SLC35F4: variants seen among roughly 807,000 people sequenced by gnomAD.
SLC35F4 encodes the protein chromosome 14 open reading frame 36.
A neutral mutation model predicts 44.2 loss-of-function variants in SLC35F4; 24 were observed. That is an observed-to-expected ratio of 0.54 (90% CI 0.39 to 0.76). SLC35F4 has a LOEUF of 0.76. Ranked by LOEUF, SLC35F4 falls within the 30% of genes least tolerant of loss-of-function variation. The probability of loss-of-function intolerance (pLI) is 0.00; values close to 1 mark genes in which losing one functional copy is unlikely to be tolerated. For synonymous variants in SLC35F4, 238 were observed against 223.6 expected (o/e 1.06, Z -0.57); for missense variants, 562 against 586.1 (o/e 0.96, Z 0.42).
At chr14:57,577,668 T>A (rs1387015648) in intron 4 of SLC35F4, among the ~76,000 whole-genome samples, 50 of 147,938 alleles carry the variant, frequency 3.4e-4, no homozygotes, top group Middle Eastern at 3.5e-3. Context: ...AGAACCTTTT[T>A]TTAAAAAAAA....
At chr14:57,943,943 T>G (rs1430445027) in intron 1 of SLC35F4, among the ~76,000 whole-genome samples, 1 of 152,218 alleles carries the variant, frequency 6.6e-6, no homozygotes, top group Non-Finnish European at 1.5e-5. Context: ...TCTGCTTTTC[T>G]GGACCACGCC....
At chr14:57,982,512 C>A (rs2141102261), upstream of SLC35F4, among the ~76,000 whole-genome samples, 1 of 152,040 alleles carries the variant, frequency 6.6e-6, no homozygotes, top group South Asian at 2.1e-4. Context: ...TTCAGAAAAG[C>A]CAACGAGAGC....
chr14:57,687,840 G>A (rs563604888), intron 1 of SLC35F4, among the ~76,000 whole-genome samples: 1 of 152,198 alleles, frequency 6.6e-6, no homozygotes, highest in Non-Finnish European at 1.5e-5. Context: ...AATTTCTGAA[G>A]AATATAAACA....
At chr14:57,954,931 G>A (rs1890208922) in intron 1 of SLC35F4, among the ~76,000 whole-genome samples, 1 of 143,532 alleles carries the variant, frequency 7.0e-6, no homozygotes, top group African/African-American at 2.6e-5. Context: ...ATTTTATGAG[G>A]CCAGCATCAT....
chr14:57,678,449 A>C (rs957260032), intron 1 of SLC35F4, among the ~76,000 whole-genome samples: 1 of 152,100 alleles, frequency 6.6e-6, no homozygotes, highest in African/African-American at 2.4e-5. Context: ...TCCTATGAAG[A>C]AAATGCATTA....
intron 1 of SLC35F4, among the ~76,000 whole-genome samples, chr14:57,902,625 AACGATTCAAATAAATGAAG>A (rs1485296454): frequency 2.6e-5 from 4 of 152,168 alleles, no homozygotes; most frequent in African/African-American, 7.2e-5. Flanking sequence ...ATCCTATGGG[AACGATTCAAATAAATGAAG>A]AAAAAAATCA....
intron 1 of SLC35F4, among the ~76,000 whole-genome samples, chr14:57,805,110 C>T (rs1021307085): frequency 6.6e-6 from 1 of 151,750 alleles, no homozygotes; most frequent in African/African-American, 2.4e-5. Context: ...TTATTAAAGT[C>T]AAAAAAACAA....
At chr14:57,659,421 C>T (rs2146620) in intron 1 of SLC35F4, among the ~76,000 whole-genome samples, 59,057 of 151,984 alleles carry the variant, frequency 0.39, 11,603 homozygotes, top group South Asian at 0.5. Flanking sequence ...CTAGTTCCTA[C>T]ATCTGTGCCA....
chr14:57,650,489 C>T (rs1366768559), intron 1 of SLC35F4, among the ~76,000 whole-genome samples: 5 of 152,126 alleles, frequency 3.3e-5, no homozygotes, highest in Admixed American at 2.0e-4. Context: ...GCCCAAAACA[C>T]ACCTCAACTA....
intron 1 of SLC35F4, among the ~76,000 whole-genome samples, chr14:57,853,120 C>T (rs763933): frequency 0.46 from 69,877 of 152,028 alleles, 19,136 homozygotes; most frequent in African/African-American, 0.76. Context: ...AAAAGAAATA[C>T]GTTTTCCAAA....
chr14:57,740,602 G>A (rs1024443170), intron 1 of SLC35F4, among the ~76,000 whole-genome samples: 1 of 152,142 alleles, frequency 6.6e-6, no homozygotes, highest in Non-Finnish European at 1.5e-5. Flanking sequence ...GGTAACTATA[G>A]TTTACGAGAA....
intron 1 of SLC35F4, among the ~76,000 whole-genome samples, chr14:57,834,084 C>G (rs1187662287): frequency 6.6e-6 from 1 of 152,142 alleles, no homozygotes; most frequent in Non-Finnish European, 1.5e-5. Flanking sequence ...AGGCTGACCC[C>G]AAACTCCACC....
Position 57,661,859 on chromosome 14 carries a change from G to A in SLC35F4, c.104-67735C>T, listed in dbSNP as rs114145562. 2.3e-3 allele frequency among the ~76,000 whole-genome samples: 349 copies of A among 152,236 alleles called. 2 individuals carry two copies. The highest frequency in any genetic ancestry group is 7.7e-3 in the African/African-American group (319 of 41,532). On this transcript the variant is annotated intron_variant, in intron 1 of 7. Transcript: ENST00000556826. ...ATATGCACTTCTAACAAGTTCCCAC[G>A]TAATAATGACCACACACTGAGAACC... is the stretch of plus-strand genomic sequence containing the variant.
chr14:57,740,438 C>T (rs2076576480), intron 1 of SLC35F4, among the ~76,000 whole-genome samples: 1 of 152,162 alleles, frequency 6.6e-6, no homozygotes, highest in African/African-American at 2.4e-5. Context: ...ACTTTACTCA[C>T]AGAAAATTCT....
In SLC35F4 at chr14:57,658,920, C is replaced by G. The variant is rs536411772; in HGVS notation, c.104-64796G>C. Among the ~76,000 whole-genome samples, 15 of 152,186 alleles carry G rather than the reference C, an allele frequency of 9.9e-5. No homozygotes were observed. The East Asian group carries it at 2.9e-3, about 29-fold the overall frequency. ...TAGGATTATAGATTTAGAAATAGAA[C>G]CTTCGAGTAGGAAGAAGTCAGCAAG... is the stretch of plus-strand genomic sequence containing the variant. On this transcript the variant is annotated intron_variant, in intron 1 of 7. Transcript: ENST00000556826.
chr14:57,630,280 GGA>G, intron 1 of SLC35F4: 3 of 561,724 alleles, frequency 5.3e-6, no homozygotes, highest in Non-Finnish European at 1.0e-5. Context: ...TGTAAAAGAA[GGA>G]GATCAAGAAG....
At chr14:57,794,732 G>A (rs1207155402) in intron 1 of SLC35F4, among the ~76,000 whole-genome samples, 1 of 151,984 alleles carries the variant, frequency 6.6e-6, no homozygotes, top group African/African-American at 2.4e-5. Context: ...GGACAAAACT[G>A]CTTCTTTGGG....
chr14:57,866,062 C>T lies in SLC35F4; in HGVS notation c.-237G>A, dbSNP rs1888142189. On this transcript the variant is annotated 5_prime_UTR_variant, in exon 1 of 8. Transcript: ENST00000556826. Reference sequence around the variant, plus strand: ...CTCTCCGTCAGCCTGGCAGCTCTCCCGCGCGCCACCCGGAGCACTGCTGCC... The same window carrying T: ...CTCTCCGTCAGCCTGGCAGCTCTCCTGCGCGCCACCCGGAGCACTGCTGCC... 1 of 275,028 alleles carries T rather than the reference C, an allele frequency of 3.6e-6. No homozygotes were observed. The highest frequency in any genetic ancestry group is 7.3e-5 in the East Asian group (1 of 13,738). The allele number at this position is 275,028 out of a possible 1,614,324, so 17.0% of individuals were successfully genotyped here.
chr14:57,792,980 T>TA (rs576326784), intron 1 of SLC35F4, among the ~76,000 whole-genome samples: 14 of 152,036 alleles, frequency 9.2e-5, no homozygotes, highest in African/African-American at 2.9e-4. Flanking sequence ...TGGAATACAT[T>TA]AAAAAAACTT....
Sources: gnomAD v4.1 joint callset for allele counts (sites outside exome capture counted in the v4.1 genomes callset) on GRCh38, gnomAD v4.1.1 for gene constraint, MANE v1.5 for transcripts, NCBI Gene and HGNC (gene_info 2026-07-23, HGNC 2026-07-21) for gene names.